RIMBP2: variants seen among roughly 807,000 people sequenced by gnomAD.
The protein encoded by RIMBP2 is RIMS-binding protein 2.
Under a neutral mutation model 118.6 loss-of-function variants are expected in RIMBP2, and 48 were observed. The ratio of observed to expected loss-of-function variants is 0.40; its 90% CI spans 0.32 to 0.51. RIMBP2 has a LOEUF of 0.51. RIMBP2 is among the 20% of genes least tolerant of loss of function. The pLI, the probability that RIMBP2 is intolerant of heterozygous loss-of-function variation, is 0.41. For synonymous variants in RIMBP2, 762 were observed against 742.9 expected, an observed-to-expected ratio of 1.03 and a Z score of -0.42; for missense variants, 1,551 against 1,768.3, an observed-to-expected ratio of 0.88 and a Z score of 2.20.
At chr12:130,649,969 G>A (rs931221423) in intron 1 of RIMBP2, among the ~76,000 whole-genome samples, 1 of 152,034 alleles carries the variant, frequency 6.6e-6, no homozygotes, top group African/African-American at 2.4e-5. Flanking sequence ...AGATTCAACA[G>A]GAACAAGCGG....
intron 5 of RIMBP2, among the ~76,000 whole-genome samples, chr12:130,477,350 A>G (rs1261548375): frequency 7.2e-6 from 1 of 138,476 alleles, no homozygotes; most frequent in African/African-American, 2.6e-5. Context: ...GTTTCTACAG[A>G]CTTATATCTG....
In RIMBP2 at chr12:130,450,121, AC is replaced by A; in HGVS notation, c.581+78del. 1 of 910,200 alleles carries A rather than the reference AC, an allele frequency of 1.1e-6. No individual in the cohort carries two copies. 56.4% of individuals were successfully genotyped at this position (910,200 alleles called of 1,614,324 possible). ...GCCCTGGGAGAAGGGAACTTCTCAG[AC>A]CCCAGAGTGTTCCCAGACCCAACAT... On this transcript the variant is annotated intron_variant, in intron 9 of 22. Transcript: ENST00000690449. The surrounding 1 kb of genome is among the most constrained non-coding windows in gnomAD (Gnocchi z 4.8).
chr12:130,658,474 A>G (rs1290779163), intron 1 of RIMBP2: 1 of 152,192 alleles, frequency 6.6e-6, no homozygotes, highest in Non-Finnish European at 1.5e-5. Context: ...CATTTCAACT[A>G]TGAAAAAAAA....
intron 3 of RIMBP2, among the ~76,000 whole-genome samples, chr12:130,508,176 C>A (rs543900133): frequency 1.3e-5 from 2 of 152,094 alleles, no homozygotes; most frequent in East Asian, 3.9e-4. Context: ...GAAAGCATCA[C>A]TTCTTGCATC....
chr12:130,470,286 TTCA>T (rs1566095412), intron 6 of RIMBP2: 1 of 166,774 alleles, frequency 6.0e-6, no homozygotes, highest in Non-Finnish European at 1.3e-5. Flanking sequence ...CCCAAGGCAG[TTCA>T]TCAGAGACCA....
chr12:130,634,363 T>C (rs552488449), intron 1 of RIMBP2, among the ~76,000 whole-genome samples: 24 of 152,320 alleles, frequency 1.6e-4, no homozygotes, highest in African/African-American at 5.1e-4. Flanking sequence ...AAAGCTCACC[T>C]GCACCAGGAG....
At chr12:130,473,694 G>T (rs79163842) in intron 5 of RIMBP2, among the ~76,000 whole-genome samples, 1 of 152,080 alleles carries the variant, frequency 6.6e-6, no homozygotes, top group Non-Finnish European at 1.5e-5. Context: ...CAGGAGTTCC[G>T]CAGAGCTGAG....
At chr12:130,608,502 G>A (rs1331530131) in intron 2 of RIMBP2, among the ~76,000 whole-genome samples, 8 of 152,224 alleles carry the variant, frequency 5.3e-5, no homozygotes, top group East Asian at 3.9e-4. Context: ...CTCTACTGGG[G>A]AGGAGGGAAG....
intron 19 of RIMBP2, among the ~76,000 whole-genome samples, chr12:130,410,196 G>T (rs1370345720): frequency 6.6e-6 from 1 of 152,204 alleles, no homozygotes; most frequent in African/African-American, 2.4e-5. Context: ...TTGGCGAAAG[G>T]TCACTTAAAT....
At chr12:130,399,927 T>G in intron 21 of RIMBP2, 114 bp from the exon 22 acceptor site, 3 of 1,228,566 alleles carry the variant, frequency 2.4e-6, no homozygotes, top group Non-Finnish European at 3.4e-6. Flanking sequence ...TTATTCTGGT[T>G]CAAAAGTGGC....
chr12:130,406,763 C>T (rs1464398286), intron 20 of RIMBP2, among the ~76,000 whole-genome samples: 1 of 152,218 alleles, frequency 6.6e-6, no homozygotes, highest in Non-Finnish European at 1.5e-5. Context: ...TGTTCTGCCT[C>T]AGCCTCCTGA....
intron 1 of RIMBP2, among the ~76,000 whole-genome samples, chr12:130,711,019 A>G (rs1949880159): frequency 6.6e-6 from 1 of 152,192 alleles, no homozygotes; most frequent in Non-Finnish European, 1.5e-5. Context: ...AAGGTGGGCA[A>G]ATCGCCTGAG....
intron 1 of RIMBP2, among the ~76,000 whole-genome samples, chr12:130,654,923 A>G (rs2063361472): frequency 1.3e-5 from 2 of 152,210 alleles, no homozygotes; most frequent in Admixed American, 1.3e-4. Context: ...CAGAATTCAC[A>G]TGAACTAACT....
chr12:130,539,611 G>A (rs1281698903), intron 2 of RIMBP2, among the ~76,000 whole-genome samples: 2 of 148,810 alleles, frequency 1.3e-5, no homozygotes, highest in Admixed American at 6.7e-5. Flanking sequence ...AAATGCAGTC[G>A]ATGAGGTGGC....
At chr12:130,678,571 G>T (rs527422381) in intron 1 of RIMBP2, among the ~76,000 whole-genome samples, 10 of 152,058 alleles carry the variant, frequency 6.6e-5, no homozygotes, top group African/African-American at 2.4e-4. Context: ...AGGCTGGAGC[G>T]CAGTGGCACG....
rs1305504375 is a variant in RIMBP2, at chr12:130,646,440, T to TCA, written c.-351-17985_-351-17984insTG. On this transcript the variant is annotated intron_variant, in intron 1 of 22. Coordinates refer to ENST00000690449, the MANE Select transcript of RIMBP2 (RefSeq NM_001393629.1). Reference sequence around the variant, plus strand: ...CTCACCACTTCCCTCTCCACCTCCCTTGCCACCTCCCTCGCCACCTCCCTC... The same window carrying TCA: ...CTCACCACTTCCCTCTCCACCTCCCTCATGCCACCTCCCTCGCCACCTCCCTC... Among the ~76,000 whole-genome samples the TCA allele has an allele frequency of 1.8e-5, 2 of 111,080 alleles. 1 individual carries two copies. Among genetic ancestry groups the TCA allele is most frequent in the Non-Finnish European group, 4.1e-5 (2 of 48,354 alleles). The allele number at this position is 111,080 out of a possible 152,430, so 72.9% of individuals were successfully genotyped here. A position where few individuals can be genotyped will look rare whatever the true frequency, so the allele number is the denominator to read the frequency against.
At chr12:130,426,937 T>A (rs1317035018) in intron 15 of RIMBP2, 1 of 152,184 alleles carries the variant, frequency 6.6e-6, no homozygotes, top group Non-Finnish European at 1.5e-5. Flanking sequence ...GGTCGTGGGG[T>A]CAGACTGGAC....
intron 2 of RIMBP2, among the ~76,000 whole-genome samples, chr12:130,539,653 A>T (rs112586638): frequency 7.0e-6 from 1 of 143,560 alleles, no homozygotes; most frequent in Admixed American, 6.8e-5. Flanking sequence ...GCAGTCGATG[A>T]GGTGGCCAGG....
At chr12:130,477,667 C>A (rs531490408) in intron 5 of RIMBP2, among the ~76,000 whole-genome samples, 1 of 152,338 alleles carries the variant, frequency 6.6e-6, no homozygotes, top group East Asian at 1.9e-4. Context: ...GGCATCAGAA[C>A]TTATCTACCT....
Sources: gnomAD v4.1 joint callset for allele counts (sites outside exome capture counted in the v4.1 genomes callset) on GRCh38, gnomAD v4.1.1 for gene constraint, Gnocchi (gnomAD v3.1) non-coding constraint, MANE v1.5 for transcripts, NCBI Gene and HGNC (gene_info 2026-07-23, HGNC 2026-07-21) for gene names.